ZC3H3: variants seen among roughly 807,000 people sequenced by gnomAD.
The protein encoded by ZC3H3 is zinc finger CCCH domain-containing protein 3.
A neutral mutation model predicts 77.3 loss-of-function variants in ZC3H3; 36 were observed. That is an observed-to-expected ratio of 0.47 (90% CI 0.36 to 0.61). ZC3H3 has a LOEUF of 0.61. Among genes scored for constraint, ZC3H3 ranks in the 20% least tolerant of loss-of-function variants. The pLI is 0.00. For missense variants in ZC3H3, 1,331 were observed against 1,312.2 expected (o/e 1.01, Z -0.22); for synonymous variants, 626 against 555.2 (o/e 1.13, Z -1.79).
intron 5 of ZC3H3, among the ~76,000 whole-genome samples, chr8:143,474,118 G>A (rs975326459): frequency 1.3e-5 from 2 of 152,310 alleles, no homozygotes; most frequent in Admixed American, 6.5e-5. Flanking sequence ...AGCACCCGGG[G>A]TGTAGCAGAG....
intron 4 of ZC3H3, among the ~76,000 whole-genome samples, chr8:143,503,991 GA>G (rs1821611997): frequency 2.6e-5 from 4 of 152,234 alleles, no homozygotes; most frequent in Non-Finnish European, 4.4e-5. Context: ...GAGGGGGAGA[GA>G]GAGGGCGCGT....
intron 10 of ZC3H3, 137 bp from the exon 11 acceptor site, chr8:143,440,500 G>T: frequency 7.1e-7 from 1 of 1,406,840 alleles, no homozygotes; most frequent in Non-Finnish European, 9.2e-7. Context: ...GCACAGGTCA[G>T]GCCTGGCCCT....
intron 4 of ZC3H3, among the ~76,000 whole-genome samples, chr8:143,505,700 A>G (rs1681457717): frequency 6.6e-6 from 1 of 152,184 alleles, no homozygotes. Context: ...CCTCAGCCAC[A>G]TGTGCATCCT....
intron 7 of ZC3H3, 49 bp downstream of exon 7, chr8:143,468,333 G>C: frequency 6.2e-7 from 1 of 1,610,682 alleles, no homozygotes; most frequent in South Asian, 1.1e-5. Context: ...CCAAGGGCAG[G>C]GCCCTGCACA....
At chr8:143,443,372 A>G (rs577308560) in intron 9 of ZC3H3, among the ~76,000 whole-genome samples, 2 of 152,144 alleles carry the variant, frequency 1.3e-5, no homozygotes, top group African/African-American at 2.4e-5. Context: ...TATACAAGGA[A>G]ACACACTGGA....
intron 3 of ZC3H3, among the ~76,000 whole-genome samples, chr8:143,519,523 G>A (rs879405846): frequency 2.0e-5 from 3 of 152,170 alleles, no homozygotes; most frequent in African/African-American, 2.4e-5. Flanking sequence ...CATCACAGCC[G>A]CAGAAACGGA....
intron 3 of ZC3H3, among the ~76,000 whole-genome samples, chr8:143,516,540 CACACACACACACACACACACACACACAT>C (rs905174876): frequency 3.6e-5 from 5 of 138,166 alleles, no homozygotes; most frequent in African/African-American, 1.1e-4. Context: ...CACACACACA[CACACACACACACACACACACACACACAT>C]ACACACACAC....
At chr8:143,448,787 C>A (rs1819921070) in intron 9 of ZC3H3, among the ~76,000 whole-genome samples, 1 of 152,240 alleles carries the variant, frequency 6.6e-6, no homozygotes, top group South Asian at 2.1e-4. Flanking sequence ...GCTCCAATGC[C>A]ACATTTCCCC....
At chr8:143,455,888 G>T (rs968080344) in intron 9 of ZC3H3, among the ~76,000 whole-genome samples, 8 of 146,026 alleles carry the variant, frequency 5.5e-5, no homozygotes, top group African/African-American at 2.0e-4. Flanking sequence ...CAGAAGAATT[G>T]CTTGAACCCA....
Position 143,538,292 on chromosome 8 carries a change from G to C in ZC3H3, c.1075C>G (p.Pro359Ala). 1 of 1,612,984 alleles carries C rather than the reference G, an allele frequency of 6.2e-7. No homozygotes were observed. Among genetic ancestry groups the C allele is most frequent in the East Asian group, 2.2e-5 (1 of 44,882 alleles). The change falls in exon 2 of 12, where the codon CCC becomes GCC. Residue 359 changes from proline (P) to alanine (A), a missense_variant. Around this residue, in one of 3 missense-constraint regions of ZC3H3, gnomAD observed 978 missense variants for 915.5 expected, o/e 1.07. Coordinates refer to ENST00000262577, the MANE Select transcript of ZC3H3 (RefSeq NM_015117.3). ...GACGTGGCTGGCTTCCTGGGCTTGG[G>C]CTCTGGGTCAGCTATGAGCTGCGGC... ...EKPQLIADPE[P>A]KPRKPATSSK...
intron 4 of ZC3H3, among the ~76,000 whole-genome samples, chr8:143,497,758 C>T (rs1685411): frequency 0.028 from 4,256 of 152,320 alleles, 179 homozygotes; most frequent in African/African-American, 0.096. Context: ...CTGTCTGGTA[C>T]GGCCAAGTCC....
chr8:143,537,900 G>GC lies in ZC3H3; in HGVS notation c.1364+102dup, dbSNP rs1229225659. The GC allele has an allele frequency of 3.4e-6, 4 of 1,176,214 alleles. No individual in the cohort carries two copies. In the East Asian group the frequency reaches 9.5e-5, roughly 28 times the overall value. The allele number at this position is 1,176,214 out of a possible 1,614,324, so 72.9% of individuals were successfully genotyped here. A position where few individuals can be genotyped will look rare whatever the true frequency, so the allele number is the denominator to read the frequency against. On this transcript the variant is annotated intron_variant, in intron 2 of 11. Transcript: ENST00000262577. The stretch of plus-strand genomic sequence containing the variant: ...CTCATTTCTTGCTGGAAATGTGAAC[G>GC]CAACTGCAGGCAAAGCTCCGAGCTC...
intron 3 of ZC3H3, among the ~76,000 whole-genome samples, chr8:143,515,492 A>G (rs1246938315): frequency 6.6e-6 from 1 of 152,264 alleles, no homozygotes; most frequent in Non-Finnish European, 1.5e-5. Context: ...AGTGGGCACC[A>G]CGGGAGGCTC....
intron 9 of ZC3H3, among the ~76,000 whole-genome samples, chr8:143,443,960 T>C (rs1165956889): frequency 1.4e-5 from 2 of 146,582 alleles, no homozygotes; most frequent in African/African-American, 5.0e-5. Context: ...GTTTTACTTG[T>C]AGTTCTTTTT....
At chr8:143,477,602 G>A (rs1421111834) in intron 4 of ZC3H3, among the ~76,000 whole-genome samples, 2 of 152,200 alleles carry the variant, frequency 1.3e-5, no homozygotes, top group African/African-American at 4.8e-5. Flanking sequence ...AGGGAGGCAG[G>A]CCAGGCAGGA....
rs60275389 is a variant in ZC3H3, at chr8:143,512,876, G to A, written c.1562-4977C>T. 8.7e-3 allele frequency among the ~76,000 whole-genome samples: 1,321 copies of A among 152,350 alleles called. 22 individuals carry two copies. Among genetic ancestry groups the A allele is most frequent in the African/African-American group, 0.03 (1,253 of 41,572 alleles). ...CAACTGAGAGTGCTCAGTGGCGCGG[G>A]GAGGTACACGCAGCGGGCAGGACCC... On this transcript the variant is annotated intron_variant, in intron 3 of 11. Coordinates refer to ENST00000262577, the MANE Select transcript of ZC3H3 (RefSeq NM_015117.3).
At chr8:143,439,403 C>T (rs888340474) in intron 11 of ZC3H3, among the ~76,000 whole-genome samples, 2 of 152,178 alleles carry the variant, frequency 1.3e-5, no homozygotes, top group Admixed American at 6.5e-5. Flanking sequence ...TGCAGCCCGC[C>T]GAGCTGCGTG....
chr8:143,494,895 G>T lies in ZC3H3; in HGVS notation c.1715+12851C>A, dbSNP rs1190806166. Among the ~76,000 whole-genome samples the T allele has an allele frequency of 6.6e-6, 1 of 152,198 alleles. No homozygotes were observed. Among genetic ancestry groups the T allele is most frequent in the East Asian group, 1.9e-4 (1 of 5,202 alleles). On this transcript the variant is annotated intron_variant, in intron 4 of 11. Coordinates refer to ENST00000262577, the MANE Select transcript of ZC3H3 (RefSeq NM_015117.3). The surrounding 1 kb of genome is among the most constrained non-coding windows in gnomAD (Gnocchi z 5.3). Reference sequence around the variant, plus strand: ...AGTGGCCTTACGTTAGCCCGAGCAGGTACTCAACATCACTGGACACCAGGG... The same window carrying T: ...AGTGGCCTTACGTTAGCCCGAGCAGTTACTCAACATCACTGGACACCAGGG...
At chr8:143,503,830 T>A (rs998301900) in intron 4 of ZC3H3, among the ~76,000 whole-genome samples, 16 of 152,160 alleles carry the variant, frequency 1.1e-4, no homozygotes, top group African/African-American at 3.6e-4. Context: ...GCCTCCTCCA[T>A]GTTCAGGTCC....
Sources: allele counts gnomAD v4.1 joint callset (sites outside exome capture counted in the v4.1 genomes callset), GRCh38; gene constraint gnomAD v4.1.1; regional missense constraint gnomAD v4.1.1; non-coding constraint Gnocchi (gnomAD v3.1); transcripts MANE v1.5; gene names NCBI Gene and HGNC (gene_info 2026-07-23, HGNC 2026-07-21).